GPR55: variants seen among roughly 807,000 people sequenced by gnomAD.
The protein encoded by GPR55 is G protein-coupled receptor 55.
A neutral mutation model predicts 7.9 loss-of-function variants in GPR55; 6 were observed. That is an observed-to-expected ratio of 0.76 (90% CI 0.41 to 1.49). GPR55 has a LOEUF of 1.49. Ranked by LOEUF, GPR55 falls within the 40% of genes most tolerant of loss-of-function variation. The pLI, the probability that GPR55 is intolerant of heterozygous loss-of-function variation, is 0.01. For missense variants in GPR55, 376 were observed against 406.0 expected (o/e 0.93, Z 0.63); for synonymous variants, 183 against 166.8 (o/e 1.10, Z -0.75).
chr2:230,930,982 G>A (rs992563580), intron 1 of GPR55, among the ~76,000 whole-genome samples: 1 of 152,024 alleles, frequency 6.6e-6, no homozygotes, highest in African/African-American at 2.4e-5. Flanking sequence ...ATACTGAGGG[G>A]CTGACAGGTG....
In GPR55 at chr2:230,909,921, C is replaced by A. The variant is rs1690544594; in HGVS notation, c.*82G>T. Reference sequence around the variant, plus strand: ...AGTGAAGATGGTGCGGATCATCCCACCACATCAAAACCCTGGAACGCGATA... The same window carrying A: ...AGTGAAGATGGTGCGGATCATCCCAACACATCAAAACCCTGGAACGCGATA... On this transcript the variant is annotated 3_prime_UTR_variant, in exon 2 of 2. Coordinates refer to ENST00000650999, the MANE Select transcript of GPR55 (RefSeq NM_005683.4). The A allele has an allele frequency of 2.2e-6, 3 of 1,351,374 alleles. No individual in the cohort carries two copies. In the South Asian group the frequency reaches 4.0e-5, roughly 18 times the overall value. The allele number at this position is 1,351,374 out of a possible 1,614,324, so 83.7% of individuals were successfully genotyped here.
chr2:230,945,978 C>T (rs1342188548), intron 1 of GPR55, among the ~76,000 whole-genome samples: 3 of 152,098 alleles, frequency 2.0e-5, no homozygotes, highest in Non-Finnish European at 4.4e-5. Flanking sequence ...CCTAAGTGTC[C>T]ATCAGTGGAT....
At chr2:230,930,201 G>A (rs1033828150), upstream of GPR55, among the ~76,000 whole-genome samples, 12 of 152,368 alleles carry the variant, frequency 7.9e-5, no homozygotes, top group African/African-American at 2.4e-4. Context: ...ATTTCTCAGG[G>A]ACACGGGGAT....
chr2:230,930,220 G>A (rs114769645), upstream of GPR55, among the ~76,000 whole-genome samples: 2,395 of 152,362 alleles, frequency 0.016, 62 homozygotes, highest in African/African-American at 0.055. Context: ...ATAGGAGTGT[G>A]AGCAGATGGT....
chr2:230,953,218 T>G (rs1691431555), intron 1 of GPR55, among the ~76,000 whole-genome samples: 1 of 152,180 alleles, frequency 6.6e-6, no homozygotes, highest in Non-Finnish European at 1.5e-5. Context: ...ATCTCCCCTG[T>G]CCCAGTATGT....
intron 1 of GPR55, among the ~76,000 whole-genome samples, chr2:230,915,618 T>C (rs1042431459): frequency 2.6e-5 from 4 of 152,160 alleles, no homozygotes; most frequent in Non-Finnish European, 5.9e-5. Flanking sequence ...TGAAGCGCCA[T>C]GTTTCATGCA....
intron 1 of GPR55, among the ~76,000 whole-genome samples, chr2:230,934,888 G>A (rs1444781981): frequency 6.6e-6 from 1 of 152,132 alleles, no homozygotes. Flanking sequence ...CACCAAGGAA[G>A]GGCATTGTCC....
chr2:230,950,760 C>G (rs1254725063), intron 1 of GPR55, among the ~76,000 whole-genome samples: 1 of 152,128 alleles, frequency 6.6e-6, no homozygotes, highest in Non-Finnish European at 1.5e-5. Context: ...CAGAATCTCT[C>G]TGGCCTTCTC....
intron 1 of GPR55, among the ~76,000 whole-genome samples, chr2:230,913,907 T>C (rs933677666): frequency 6.6e-6 from 1 of 152,144 alleles, no homozygotes; most frequent in African/African-American, 2.4e-5. Context: ...TAAGAATGAA[T>C]ACAAGTTTAT....
chr2:230,960,835 G>C (rs1415897872), exon 1 of GPR55: 2 of 152,198 alleles, frequency 1.3e-5, no homozygotes, highest in African/African-American at 4.8e-5. Context: ...CATGGTACCT[G>C]ACGAATTGCT....
At chr2:230,958,475 G>A (rs1234858567) in intron 1 of GPR55, among the ~76,000 whole-genome samples, 1 of 150,002 alleles carries the variant, frequency 6.7e-6, no homozygotes, top group Non-Finnish European at 1.5e-5. Context: ...GCTATCAAAA[G>A]TAGGTCTTAT....
chr2:230,954,628 ACT>A (rs142857577), intron 1 of GPR55, among the ~76,000 whole-genome samples: 1,897 of 152,136 alleles, frequency 0.012, 49 homozygotes, highest in African/African-American at 0.044. Flanking sequence ...GTCCAGTTAT[ACT>A]CTTTTAGTTA....
chr2:230,953,985 G>A (rs1242210343), intron 1 of GPR55, among the ~76,000 whole-genome samples: 1 of 152,258 alleles, frequency 6.6e-6, no homozygotes, highest in South Asian at 2.1e-4. Flanking sequence ...AAGGTCTGAT[G>A]AGCAGGCCTG....
At chr2:230,943,184 G>T (rs1406813437) in intron 1 of GPR55, among the ~76,000 whole-genome samples, 1 of 152,158 alleles carries the variant, frequency 6.6e-6, no homozygotes. Context: ...TGAGGCCCCA[G>T]CAGAGGCCAT....
intron 1 of GPR55, among the ~76,000 whole-genome samples, chr2:230,956,166 T>C (rs918311663): frequency 6.6e-6 from 1 of 152,034 alleles, no homozygotes; most frequent in African/African-American, 2.4e-5. Flanking sequence ...TTTATTTATT[T>C]ATTTATTTAT....
chr2:230,948,847 G>A (rs1204095348), intron 1 of GPR55, among the ~76,000 whole-genome samples: 1 of 152,246 alleles, frequency 6.6e-6, no homozygotes, highest in Non-Finnish European at 1.5e-5. Flanking sequence ...GGAGGCAGGG[G>A]CAGGAGGATT....
chr2:230,923,332 A>ATTG lies in GPR55; in HGVS notation c.-135+1835_-135+1836insCAA, dbSNP rs1214858713. 6.6e-6 allele frequency among the ~76,000 whole-genome samples: 1 copy of ATTG among 152,090 alleles called. No homozygotes were observed. On this transcript the variant is annotated intron_variant, in intron 1 of 1. Transcript: ENST00000650999. This position sits in a 1 kb window ranked among gnomAD's most constrained non-coding sequence, Gnocchi z 4.1. ...TGCACAGAGCATTGCAGCGTGAGCC[A>ATTG]CCTCAGAGATGGCAGGGCCAGAGCC...
At position 230,908,844 on chromosome 2, in the gene GPR55, T is replaced by G. The variant is rs1690515682; in HGVS notation, c.*1159A>C. ...GAGAAGCCATCCAGGCGTGACTCAA[T>G]TGTTTACAGTTTCCTGGGACCAGCA... On this transcript the variant is annotated 3_prime_UTR_variant, in exon 2 of 2. Transcript: ENST00000650999. 1 of 152,256 alleles carries G rather than the reference T, an allele frequency of 6.6e-6. No individual in the cohort carries two copies. The highest frequency in any genetic ancestry group is 1.5e-5 in the Non-Finnish European group (1 of 68,090). 9.4% of individuals were successfully genotyped at this position (152,256 alleles called of 1,614,324 possible). A position where few individuals can be genotyped will look rare whatever the true frequency, so the allele number is the denominator to read the frequency against.
intron 1 of GPR55, 141 bp downstream of exon 1, chr2:230,925,027 G>C (rs976433668): frequency 2.6e-5 from 4 of 152,696 alleles, no homozygotes; most frequent in Non-Finnish European, 5.9e-5. Context: ...GGGACTGCTC[G>C]CTGAGTTGGG....
Sources: allele counts gnomAD v4.1 joint callset (sites outside exome capture counted in the v4.1 genomes callset), GRCh38; gene constraint gnomAD v4.1.1; non-coding constraint Gnocchi (gnomAD v3.1); transcripts MANE v1.5; gene names NCBI Gene and HGNC (gene_info 2026-07-23, HGNC 2026-07-21).